The following BCAS3 variants were observed in gnomAD, a reference collection of about 807,000 sequenced individuals.
The protein encoded by BCAS3 is BCAS4/BCAS3 fusion.
A neutral mutation model predicts 116.1 loss-of-function variants in BCAS3; 53 were observed. That is an observed-to-expected ratio of 0.46 (90% CI 0.37 to 0.57). BCAS3 has a LOEUF of 0.57. BCAS3 is among the 20% of genes least tolerant of loss of function. The pLI, the probability that BCAS3 is intolerant of heterozygous loss-of-function variation, is 0.00. For synonymous variants in BCAS3, 391 were observed against 408.2 expected, an observed-to-expected ratio of 0.96 and a Z score of 0.51; for missense variants, 917 against 1,165.4, an observed-to-expected ratio of 0.79 and a Z score of 3.10.
intron 7 of BCAS3, among the ~76,000 whole-genome samples, chr17:60,844,881 A>G (rs2052358804): frequency 6.6e-6 from 1 of 152,216 alleles, no homozygotes; most frequent in Non-Finnish European, 1.5e-5. Flanking sequence ...ATAAAGGTTT[A>G]AAGGCTGCAG....
chr17:60,955,838 T>G (rs192306964), intron 14 of BCAS3, among the ~76,000 whole-genome samples: 51 of 152,350 alleles, frequency 3.3e-4, no homozygotes, highest in Admixed American at 2.7e-3. Context: ...TCATTATGAT[T>G]AGATTTAGCT....
chr17:60,989,591 T>C (rs1450927275), intron 14 of BCAS3, among the ~76,000 whole-genome samples: 4 of 150,964 alleles, frequency 2.6e-5, no homozygotes, highest in African/African-American at 9.7e-5. Context: ...TTTTACATCC[T>C]ACAAGGCCAT....
rs1482754305 is a variant in BCAS3 at position 61,068,153 on chromosome 17, C to T, written c.2030-6767C>T. On this transcript the variant is annotated intron_variant, in intron 19 of 23. Coordinates refer to ENST00000407086, the MANE Select transcript of BCAS3 (RefSeq NM_017679.5). This position sits in a 1 kb window ranked among gnomAD's most constrained non-coding sequence, Gnocchi z 4.3. ...AATATAAAAGATACTAAACATTTTT[C>T]TTTAGGGTAGCTATTTTGTATCTTG... Among the ~76,000 whole-genome samples, 1 of 152,114 alleles carries T rather than the reference C, an allele frequency of 6.6e-6. No individual in the cohort carries two copies. Among genetic ancestry groups the T allele is most frequent in the Non-Finnish European group, 1.5e-5 (1 of 67,988 alleles).
intron 13 of BCAS3, among the ~76,000 whole-genome samples, chr17:60,944,593 G>A (rs556768663): frequency 7.9e-5 from 12 of 151,946 alleles, no homozygotes; most frequent in Non-Finnish European, 1.3e-4. Flanking sequence ...CCACAAATCA[G>A]TATTTCTCAG....
At chr17:60,884,522 T>C (rs2056460954) in intron 9 of BCAS3, among the ~76,000 whole-genome samples, 1 of 147,532 alleles carries the variant, frequency 6.8e-6, no homozygotes, top group Non-Finnish European at 1.5e-5. Flanking sequence ...TCTAGTTCTT[T>C]TCATTGTGAT....
rs1159707834 is a variant in BCAS3, at chr17:60,990,715, C to T, written c.1486+480C>T. 1.3e-5 allele frequency among the ~76,000 whole-genome samples: 2 copies of T among 151,304 alleles called. No individual in the cohort carries two copies. The highest frequency in any genetic ancestry group is 4.9e-5 in the African/African-American group (2 of 41,126). ...GGGCTGGCATGCAATGGCGTGATCT[C>T]GGCTGACTGCAACCTCTACCTCCCA... is the stretch of plus-strand genomic sequence containing the variant. On this transcript the variant is annotated intron_variant, in intron 15 of 23. Transcript: ENST00000407086. The surrounding 1 kb of genome is among the most constrained non-coding windows in gnomAD (Gnocchi z 5.1).
In BCAS3 at chr17:60,899,181, C is replaced by T. The variant is rs1265548197; in HGVS notation, c.739-3439C>T. Among the ~76,000 whole-genome samples the T allele has an allele frequency of 4.6e-5, 7 of 152,148 alleles. No homozygotes were observed. The South Asian group carries it at 1.5e-3, about 32-fold the overall frequency. ...GAGGCTGCTTATGGAGAGGGTAGGT[C>T]TGGCCTCAGTGGCCACAGCTAGGCT... On this transcript the variant is annotated intron_variant, in intron 10 of 23. Coordinates refer to ENST00000407086, the MANE Select transcript of BCAS3 (RefSeq NM_017679.5).
At position 61,080,085 on chromosome 17, in the gene BCAS3, A is replaced by T. The variant is rs535204472; in HGVS notation, c.2327+1556A>T. ...ACGCCTCCCTAGTTTTTGTGTTTTTAGTAGAGATGGAGTTTCACTATGTTG... is the reference window on the plus strand; with the variant it reads ...ACGCCTCCCTAGTTTTTGTGTTTTTTGTAGAGATGGAGTTTCACTATGTTG... On this transcript the variant is annotated intron_variant, in intron 21 of 23. Coordinates refer to ENST00000407086, the MANE Select transcript of BCAS3 (RefSeq NM_017679.5). 3.8e-3 allele frequency among the ~76,000 whole-genome samples: 581 copies of T among 150,914 alleles called. 1 individual carries two copies. Among genetic ancestry groups the T allele is most frequent in the Non-Finnish European group, 5.9e-3 (399 of 67,728 alleles).
chr17:60,823,267 G>T (rs1415572408), intron 7 of BCAS3, among the ~76,000 whole-genome samples: 1 of 152,072 alleles, frequency 6.6e-6, no homozygotes, highest in African/African-American at 2.4e-5. Flanking sequence ...TTTTTATTTA[G>T]TCCTAAGTTG....
Position 60,856,319 on chromosome 17 carries a change from C to A in BCAS3, c.477-12257C>A, listed in dbSNP as rs2053667824. ...GTTTTCAGAATTAGAGCCTGAATTTCAGACATATATTATATGAAAATCCAA... is the reference window on the plus strand; with the variant it reads ...GTTTTCAGAATTAGAGCCTGAATTTAAGACATATATTATATGAAAATCCAA... On this transcript the variant is annotated intron_variant, in intron 7 of 23. Coordinates refer to ENST00000407086, the MANE Select transcript of BCAS3 (RefSeq NM_017679.5). 4.6e-5 allele frequency among the ~76,000 whole-genome samples: 7 copies of A among 152,230 alleles called. No homozygotes were observed. In the South Asian group the frequency reaches 1.5e-3, roughly 32 times the overall value.
intron 22 of BCAS3, among the ~76,000 whole-genome samples, chr17:61,216,058 T>A (rs2081766705): frequency 6.6e-6 from 1 of 152,244 alleles, no homozygotes; most frequent in African/African-American, 2.4e-5. Flanking sequence ...TTTATTGAAT[T>A]TTATTGCATA....
chr17:61,022,151 A>T (rs771033517), intron 16 of BCAS3, among the ~76,000 whole-genome samples: 2 of 152,226 alleles, frequency 1.3e-5, no homozygotes, highest in African/African-American at 2.4e-5. Flanking sequence ...TTTTTCTGCT[A>T]TATCAGTGGA....
chr17:61,322,757 G>A (rs1275763073), intron 22 of BCAS3, among the ~76,000 whole-genome samples: 1 of 149,028 alleles, frequency 6.7e-6, no homozygotes, highest in Non-Finnish European at 1.5e-5. Context: ...AGTCTCATTG[G>A]TGTTGATATT....
Position 61,286,224 on chromosome 17 carries a change from G to T in BCAS3, c.2426-82103G>T, listed in dbSNP as rs1268963589. On this transcript the variant is annotated intron_variant, in intron 22 of 23. Transcript: ENST00000407086. The surrounding 1 kb of genome is among the most constrained non-coding windows in gnomAD (Gnocchi z 4.8). ...AACCATCCCTTGGGGAGCCTGCAGGGCGGGGTGCGGAGGGTCTGCGGGGGT... is the reference window on the plus strand; with the variant it reads ...AACCATCCCTTGGGGAGCCTGCAGGTCGGGGTGCGGAGGGTCTGCGGGGGT... Among the ~76,000 whole-genome samples the T allele has an allele frequency of 6.6e-6, 1 of 152,210 alleles. No individual in the cohort carries two copies. Among genetic ancestry groups the T allele is most frequent in the Non-Finnish European group, 1.5e-5 (1 of 68,034 alleles).
Position 60,781,550 on chromosome 17 carries a change from G to T in BCAS3, c.404-26454G>T, listed in dbSNP as rs554128687. Among the ~76,000 whole-genome samples, 136 of 152,202 alleles carry T rather than the reference G, an allele frequency of 8.9e-4. 1 individual carries two copies. Among genetic ancestry groups the T allele is most frequent in the African/African-American group, 2.9e-3 (122 of 41,548 alleles). ...GGAGGCAGAGGTTTCAGTGAGCTATGATTGTGCCACTGTACTCCAGCCTGG... is the reference window on the plus strand; with the variant it reads ...GGAGGCAGAGGTTTCAGTGAGCTATTATTGTGCCACTGTACTCCAGCCTGG... On this transcript the variant is annotated intron_variant, in intron 6 of 23. Coordinates refer to ENST00000407086, the MANE Select transcript of BCAS3 (RefSeq NM_017679.5).
chr17:60,694,346 C>G (rs2035293344), intron 4 of BCAS3, among the ~76,000 whole-genome samples: 1 of 150,752 alleles, frequency 6.6e-6, no homozygotes, highest in South Asian at 2.1e-4. Flanking sequence ...ACTAAAAAAA[C>G]AAAAATTAGC....
chr17:60,799,531 T>TTTTG (rs2047534025), intron 6 of BCAS3, among the ~76,000 whole-genome samples: 1 of 131,326 alleles, frequency 7.6e-6, no homozygotes, highest in Non-Finnish European at 1.6e-5. Context: ...TTTGTTTTTT[T>TTTTG]TTTTTTTTTT....
At chr17:61,149,814 C>G (rs1462100487) in intron 22 of BCAS3, among the ~76,000 whole-genome samples, 1 of 152,184 alleles carries the variant, frequency 6.6e-6, no homozygotes, top group East Asian at 1.9e-4. Context: ...CTTTTATCAG[C>G]CTGCATTTTT....
intron 6 of BCAS3, among the ~76,000 whole-genome samples, chr17:60,798,885 C>T (rs1369981188): frequency 6.6e-6 from 1 of 152,198 alleles, no homozygotes; most frequent in Admixed American, 6.5e-5. Flanking sequence ...GGTAGCTGTG[C>T]AATGGTATCT....
Sources: allele counts gnomAD v4.1 joint callset (sites outside exome capture counted in the v4.1 genomes callset), GRCh38; gene constraint gnomAD v4.1.1; non-coding constraint Gnocchi (gnomAD v3.1); transcripts MANE v1.5; gene names NCBI Gene and HGNC (gene_info 2026-07-23, HGNC 2026-07-21).